The following RPGRIP1L variants were observed in gnomAD, a reference collection of about 807,000 sequenced individuals.
RPGRIP1L encodes the protein RPGRIP1 like.
A neutral mutation model predicts 160.4 loss-of-function variants in RPGRIP1L; 131 were observed. That is an observed-to-expected ratio of 0.82 (90% confidence interval 0.71 to 0.94). The LOEUF (loss-of-function observed/expected upper bound fraction) is 0.94, where lower values mean the gene tolerates loss of function less well. Ranked by LOEUF, RPGRIP1L falls within the 40% of genes least tolerant of loss-of-function variation. The probability of loss-of-function intolerance (pLI) is 0.00; values close to 1 mark genes in which losing one functional copy is unlikely to be tolerated. For synonymous variants in RPGRIP1L, 510 were observed against 515.8 expected (o/e 0.99, Z 0.15); for missense variants, 1,522 against 1,535.8 (o/e 0.99, Z 0.15).
At chr16:53,666,328 T>C (rs1342617569) in intron 9 of RPGRIP1L, among the ~76,000 whole-genome samples, 1 of 152,132 alleles carries the variant, frequency 6.6e-6, no homozygotes, top group Admixed American at 6.6e-5. Flanking sequence ...AGTGTTCTCA[T>C]TTCACTTATG....
chr16:53,665,116 AG>A, intron 9 of RPGRIP1L, 107 bp from the exon 10 acceptor site: 1 of 1,360,086 alleles, frequency 7.4e-7, no homozygotes, highest in South Asian at 1.2e-5. Context: ...ATCATGTCTT[AG>A]GAATTAAGTA....
chr16:53,651,230 T>G (rs372981395), intron 15 of RPGRIP1L, among the ~76,000 whole-genome samples: 1 of 152,212 alleles, frequency 6.6e-6, no homozygotes, highest in South Asian at 2.1e-4. Context: ...TCCCTCATTA[T>G]CACACATTCA....
intron 3 of RPGRIP1L, 157 bp downstream of exon 3, chr16:53,695,994 G>C: frequency 1.4e-6 from 1 of 698,596 alleles, no homozygotes; most frequent in Non-Finnish European, 2.4e-6. Flanking sequence ...TATTATTCTA[G>C]TTTGCAAGAT....
At chr16:53,646,877 G>C (rs1966585989) in intron 16 of RPGRIP1L, among the ~76,000 whole-genome samples, 1 of 152,136 alleles carries the variant, frequency 6.6e-6, no homozygotes, top group Non-Finnish European at 1.5e-5. Flanking sequence ...CTCCTTAGTG[G>C]ACAAATCTGG....
intron 22 of RPGRIP1L, among the ~76,000 whole-genome samples, chr16:53,627,898 C>T (rs1458900150): frequency 6.6e-6 from 1 of 151,972 alleles, no homozygotes; most frequent in Admixed American, 6.6e-5. Context: ...CCATTTTTTG[C>T]TATTACAATG....
At chr16:53,636,718 G>A (rs1383635465) in intron 21 of RPGRIP1L, among the ~76,000 whole-genome samples, 2 of 151,888 alleles carry the variant, frequency 1.3e-5, no homozygotes, top group African/African-American at 4.8e-5. Context: ...GTTAATTTTG[G>A]TAGAAGCAAA....
At chr16:53,605,172 CAG>C (rs1963596909) in intron 26 of RPGRIP1L, among the ~76,000 whole-genome samples, 1 of 148,192 alleles carries the variant, frequency 6.7e-6, no homozygotes, top group South Asian at 2.1e-4. Flanking sequence ...AACTCTGTCT[CAG>C]AAAAAAAAAA....
chr16:53,685,332 C>T (rs546437913), intron 6 of RPGRIP1L, among the ~76,000 whole-genome samples: 5 of 152,178 alleles, frequency 3.3e-5, no homozygotes, highest in South Asian at 2.1e-4. Context: ...AAATACCATT[C>T]GACAAGGAAA....
At chr16:53,625,136 T>C (rs1467501717) in intron 22 of RPGRIP1L, among the ~76,000 whole-genome samples, 1 of 152,160 alleles carries the variant, frequency 6.6e-6, no homozygotes. Flanking sequence ...CCCAGCCGCC[T>C]GCCTTGGCCT....
At chr16:53,631,854 C>T (rs892757943) in intron 22 of RPGRIP1L, among the ~76,000 whole-genome samples, 3 of 152,006 alleles carry the variant, frequency 2.0e-5, no homozygotes, top group East Asian at 1.9e-4. Flanking sequence ...CTTTGATGTC[C>T]GGGAAACGAA....
intron 11 of RPGRIP1L, 123 bp from the exon 12 acceptor site, chr16:53,658,587 T>A: frequency 1.1e-6 from 1 of 903,286 alleles, no homozygotes; most frequent in South Asian, 1.4e-5. Context: ...ACAAACTAAG[T>A]CTACAAGACA....
intron 22 of RPGRIP1L, among the ~76,000 whole-genome samples, chr16:53,629,291 T>C (rs1366152136): frequency 6.6e-6 from 1 of 152,178 alleles, no homozygotes; most frequent in African/African-American, 2.4e-5. Context: ...GGGTGAAAAG[T>C]ACCACTTTTT....
At chr16:53,672,414 C>G (rs1034515761) in intron 8 of RPGRIP1L, among the ~76,000 whole-genome samples, 3 of 152,056 alleles carry the variant, frequency 2.0e-5, no homozygotes, top group Non-Finnish European at 4.4e-5. Flanking sequence ...ACATAAAATA[C>G]TACGATAATA....
rs2151317483 is a variant in RPGRIP1L, at chr16:53,686,431, A to G, written c.776+2T>C. ...CAAAGTGATATTTCTGTTTTAACAT[A>G]CCTTTGATCTGTAGCTTGCTGTTCT... On this transcript the variant is annotated splice_donor_variant, in intron 6 of 26. Transcript: ENST00000647211. LOFTEE classifies it high-confidence loss of function. 6.2e-7 allele frequency: 1 copy of G among 1,612,678 alleles called. No homozygotes were observed. Among genetic ancestry groups the G allele is most frequent in the South Asian group, 1.1e-5 (1 of 91,050 alleles).
chr16:53,698,872 C>T (rs1167928996), intron 2 of RPGRIP1L, among the ~76,000 whole-genome samples: 1 of 152,138 alleles, frequency 6.6e-6, no homozygotes, highest in East Asian at 1.9e-4. Context: ...CCAGCCACCA[C>T]CCCGTCTGGG....
chr16:53,657,955 T>C (rs1033339359), intron 12 of RPGRIP1L, among the ~76,000 whole-genome samples: 4 of 152,122 alleles, frequency 2.6e-5, no homozygotes, highest in Non-Finnish European at 4.4e-5. Flanking sequence ...ATCTATGCTG[T>C]GATGTAAAAG....
intron 12 of RPGRIP1L, among the ~76,000 whole-genome samples, chr16:53,658,127 G>A (rs1967430556): frequency 6.6e-6 from 1 of 152,100 alleles, no homozygotes; most frequent in African/African-American, 2.4e-5. Context: ...TAAAACGTTT[G>A]TTATAATTAA....
chr16:53,623,367 T>C (rs1964866999), intron 22 of RPGRIP1L, among the ~76,000 whole-genome samples: 1 of 152,180 alleles, frequency 6.6e-6, no homozygotes, highest in African/African-American at 2.4e-5. Context: ...AATGAGTGGA[T>C]CTACTCTCAT....
chr16:53,626,154 A>T (rs562148838), intron 22 of RPGRIP1L, among the ~76,000 whole-genome samples: 27 of 151,308 alleles, frequency 1.8e-4, no homozygotes, highest in Non-Finnish European at 3.7e-4. Flanking sequence ...CTAAAAAAAA[A>T]AAAAAAAAAA....
Sources: allele counts gnomAD v4.1 joint callset (sites outside exome capture counted in the v4.1 genomes callset), GRCh38; gene constraint gnomAD v4.1.1; transcripts MANE v1.5; gene names NCBI Gene and HGNC (gene_info 2026-07-23, HGNC 2026-07-21).